Variants in CDH18 observed in about 807,000 individuals in gnomAD.
CDH18 encodes cadherin 18.
In CDH18, 31 loss-of-function variants were observed where a neutral mutation model predicts 67.9. That is an observed-to-expected ratio of 0.46 (90% CI 0.34 to 0.62). The LOEUF (loss-of-function observed/expected upper bound fraction) is 0.62, where lower values mean the gene tolerates loss of function less well. Ranked by LOEUF, CDH18 falls within the 20% of genes least tolerant of loss-of-function variation. CDH18 has a pLI of 0.01. For missense variants in CDH18, 890 were observed against 975.5 expected, an observed-to-expected ratio of 0.91 and a Z score of 1.17; for synonymous variants, 362 against 347.2, an observed-to-expected ratio of 1.04 and a Z score of -0.48.
chr5:20,024,212 A>T (rs1230164942), intron 2 of CDH18, among the ~76,000 whole-genome samples: 1 of 152,212 alleles, frequency 6.6e-6, no homozygotes, highest in Non-Finnish European at 1.5e-5. Context: ...TTAAGAAAAC[A>T]TTTCTTAAAA....
intron 1 of CDH18, among the ~76,000 whole-genome samples, chr5:20,553,316 A>C (rs12517650): frequency 6.6e-6 from 1 of 151,994 alleles, no homozygotes; most frequent in African/African-American, 2.4e-5. Flanking sequence ...TCTTAACATC[A>C]TAATTGTTGG....
At chr5:19,959,430 C>A (rs1195317340) in intron 2 of CDH18, among the ~76,000 whole-genome samples, 2 of 151,956 alleles carry the variant, frequency 1.3e-5, no homozygotes, top group Non-Finnish European at 2.9e-5. Flanking sequence ...ATTTTATAAA[C>A]ATAATTGTAA....
At chr5:19,669,022 G>A (rs1314102057) in intron 5 of CDH18, among the ~76,000 whole-genome samples, 2 of 150,188 alleles carry the variant, frequency 1.3e-5, no homozygotes, top group Non-Finnish European at 3.0e-5. Context: ...CACACACTCT[G>A]TGTCTATGTG....
At chr5:19,559,923 AAC>A (rs1397287998) in intron 8 of CDH18, among the ~76,000 whole-genome samples, 10 of 149,054 alleles carry the variant, frequency 6.7e-5, no homozygotes, top group African/African-American at 1.5e-4. Context: ...TGCAAAAACA[AAC>A]AAAAAAAAAA....
intron 5 of CDH18, among the ~76,000 whole-genome samples, chr5:19,670,613 G>C (rs538410664): frequency 1.3e-5 from 2 of 152,194 alleles, no homozygotes; most frequent in South Asian, 4.1e-4. Flanking sequence ...GAAGGCTATG[G>C]CTGCGGGTGG....
At chr5:19,884,863 C>A (rs1023412737) in intron 2 of CDH18, among the ~76,000 whole-genome samples, 1 of 151,964 alleles carries the variant, frequency 6.6e-6, no homozygotes, top group Admixed American at 6.6e-5. Context: ...ATATGTAGTA[C>A]AGCAAGGTTA....
intron 1 of CDH18, among the ~76,000 whole-genome samples, chr5:20,499,846 AT>A (rs1307160131): frequency 6.6e-6 from 1 of 152,188 alleles, no homozygotes; most frequent in African/African-American, 2.4e-5. Flanking sequence ...AATTTGCTGT[AT>A]ACTGACAAAT....
intron 2 of CDH18, among the ~76,000 whole-genome samples, chr5:20,100,459 A>C (rs1746359010): frequency 6.6e-6 from 1 of 152,158 alleles, no homozygotes; most frequent in South Asian, 2.1e-4. Context: ...CACCAACCTA[A>C]TATATGTATC....
rs116714146 is a variant in CDH18, at chr5:20,186,810, T to C, written c.-518+68634A>G. Among the ~76,000 whole-genome samples the C allele has an allele frequency of 1.0e-3, 155 of 151,876 alleles. 1 individual carries two copies. Among genetic ancestry groups the C allele is most frequent in the African/African-American group, 3.6e-3 (150 of 41,482 alleles). On this transcript the variant is annotated intron_variant, in intron 2 of 14. Transcript: ENST00000507958. ...CTTCCAGGTATATATTCCAGAGAAA[T>C]AGAAACAAGTACTTAAACAGATATT...
At chr5:20,487,877 T>C (rs1753300879) in intron 1 of CDH18, among the ~76,000 whole-genome samples, 1 of 152,180 alleles carries the variant, frequency 6.6e-6, no homozygotes, top group Non-Finnish European at 1.5e-5. Flanking sequence ...AAATTAGCCA[T>C]GTTTAATTTT....
intron 2 of CDH18, among the ~76,000 whole-genome samples, chr5:20,106,743 A>C (rs1321526203): frequency 2.0e-5 from 3 of 152,184 alleles, no homozygotes; most frequent in African/African-American, 7.2e-5. Context: ...TTTTGTTGAA[A>C]TTCAACCTGA....
At chr5:20,318,489 G>T (rs1561966700) in intron 1 of CDH18, among the ~76,000 whole-genome samples, 1 of 152,080 alleles carries the variant, frequency 6.6e-6, no homozygotes, top group Admixed American at 6.5e-5. Context: ...CCTGGGGGTG[G>T]GGCTCTCATG....
chr5:19,889,123 G>C (rs947682289), intron 2 of CDH18, among the ~76,000 whole-genome samples: 7 of 151,932 alleles, frequency 4.6e-5, no homozygotes, highest in African/African-American at 1.7e-4. Flanking sequence ...TATTTTTTTA[G>C]GGAATAATGA....
intron 4 of CDH18, among the ~76,000 whole-genome samples, chr5:19,725,708 GC>G (rs1332249384): frequency 6.6e-6 from 1 of 152,180 alleles, no homozygotes; most frequent in African/African-American, 2.4e-5. Context: ...GGCAGAGATT[GC>G]GGTGAGCTGA....
At chr5:20,431,609 C>A (rs930616749) in intron 1 of CDH18, among the ~76,000 whole-genome samples, 4 of 152,100 alleles carry the variant, frequency 2.6e-5, no homozygotes, top group Admixed American at 6.5e-5. Context: ...CAGACCATAT[C>A]CAATAAAGGC....
At chr5:19,527,843 A>ACATTATTT (rs1465046970) in intron 9 of CDH18, among the ~76,000 whole-genome samples, 1 of 151,812 alleles carries the variant, frequency 6.6e-6, no homozygotes, top group African/African-American at 2.4e-5. Context: ...TCTTTTCAGT[A>ACATTATTT]CATTATTTTG....
intron 4 of CDH18, among the ~76,000 whole-genome samples, chr5:19,727,956 C>T (rs541455716): frequency 1.3e-5 from 2 of 152,138 alleles, no homozygotes; most frequent in South Asian, 2.1e-4. Flanking sequence ...TCAAGTGAAA[C>T]GGATTATCAG....
At chr5:20,341,298 G>C (rs905918982) in intron 1 of CDH18, among the ~76,000 whole-genome samples, 1 of 151,982 alleles carries the variant, frequency 6.6e-6, no homozygotes, top group Non-Finnish European at 1.5e-5. Context: ...ATATAAAGCA[G>C]GTGGAAAAAC....
At chr5:20,478,754 G>A (rs1752602297) in intron 1 of CDH18, among the ~76,000 whole-genome samples, 1 of 152,182 alleles carries the variant, frequency 6.6e-6, no homozygotes, top group Non-Finnish European at 1.5e-5. Flanking sequence ...GGCTTTGAGT[G>A]AACATCAGCA....
Sources: gnomAD v4.1 joint callset for allele counts (sites outside exome capture counted in the v4.1 genomes callset) on GRCh38, gnomAD v4.1.1 for gene constraint, MANE v1.5 for transcripts, NCBI Gene and HGNC (gene_info 2026-07-23, HGNC 2026-07-21) for gene names.